Variants in LUC7L2 observed in about 807,000 individuals in gnomAD.
LUC7L2 encodes LUC7 like 2, pre-mRNA splicing factor.
In LUC7L2, 25 loss-of-function variants were observed where a neutral mutation model predicts 52.8. The ratio of observed to expected loss-of-function variants is 0.47; its 90% CI spans 0.34 to 0.66. The LOEUF (loss-of-function observed/expected upper bound fraction) is 0.66. Ranked by LOEUF, LUC7L2 falls within the 30% of genes least tolerant of loss-of-function variation. The pLI, the probability that LUC7L2 is intolerant of heterozygous loss-of-function variation, is 0.01. For missense variants in LUC7L2, 328 were observed against 497.8 expected (o/e 0.66, Z 3.25); for synonymous variants, 144 against 160.9 (o/e 0.89, Z 0.80).
chr7:139,381,227 T>C (rs1489175084), intron 2 of LUC7L2, among the ~76,000 whole-genome samples: 1 of 152,074 alleles, frequency 6.6e-6, no homozygotes, highest in African/African-American at 2.4e-5. Flanking sequence ...TTTTTGTCAG[T>C]TTTTTAGGTA....
chr7:139,340,768 G>C, intron 1 of LUC7L2: 2 of 373,836 alleles, frequency 5.3e-6, no homozygotes, highest in Admixed American at 9.1e-5. Flanking sequence ...GTCCCATCTG[G>C]GGTGGCCTGT....
Position 139,405,704 on chromosome 7 carries a change from C to G in LUC7L2, c.427C>G (p.Leu143Val), listed in dbSNP as rs756334929. 1 of 1,612,646 alleles carries G rather than the reference C, an allele frequency of 6.2e-7. No homozygotes were observed. ...IGKLLAKVEQ[L>V]GAEGNVEESQ... ...TAAATTGTTAGCCAAGGTGGAACAA[C>G]TAGGAGCTGAAGGGAATGTGGAGGA... Residue 143 changes from leucine (L) to valine (V), a missense_variant, in exon 5 of 10, where the codon CTA becomes GTA. By Grantham distance (32) the Leu-to-Val change is conservative. Transcript: ENST00000354926.
At chr7:139,354,991 G>A (rs1380816086), upstream of LUC7L2, among the ~76,000 whole-genome samples, 2 of 152,006 alleles carry the variant, frequency 1.3e-5, no homozygotes, top group African/African-American at 2.4e-5. Flanking sequence ...CTGAGTAGCT[G>A]GGATTACTGG....
At chr7:139,405,900 G>C in intron 5 of LUC7L2, 113 bp downstream of exon 5, 1 of 1,357,778 alleles carries the variant, frequency 7.4e-7, no homozygotes, top group Middle Eastern at 1.9e-4. Flanking sequence ...TATTTGAATG[G>C]AAATTATTGA....
intron 2 of LUC7L2, among the ~76,000 whole-genome samples, chr7:139,394,414 A>G (rs147839767): frequency 0.011 from 1,670 of 152,254 alleles, 16 homozygotes; most frequent in Middle Eastern, 0.017. Context: ...CACCTCTACT[A>G]TAGTGGTAAA....
At chr7:139,406,145 G>A (rs190604435) in intron 5 of LUC7L2, among the ~76,000 whole-genome samples, 7 of 152,140 alleles carry the variant, frequency 4.6e-5, no homozygotes, top group Admixed American at 1.3e-4. Flanking sequence ...TCTGCCTCCC[G>A]GGTTCAAGCG....
intron 1 of LUC7L2, among the ~76,000 whole-genome samples, chr7:139,366,616 T>C (rs1478807194): frequency 6.6e-6 from 1 of 152,228 alleles, no homozygotes; most frequent in Non-Finnish European, 1.5e-5. Flanking sequence ...TGTCTATGGC[T>C]GCTTTGGCTT....
intron 2 of LUC7L2, among the ~76,000 whole-genome samples, chr7:139,379,533 T>C (rs1359056438): frequency 2.7e-5 from 4 of 149,628 alleles, no homozygotes; most frequent in Non-Finnish European, 5.9e-5. Flanking sequence ...CTTTCATTAT[T>C]CTAGTATAAC....
At chr7:139,356,196 G>A (rs993830581), upstream of LUC7L2, among the ~76,000 whole-genome samples, 18 of 151,592 alleles carry the variant, frequency 1.2e-4, no homozygotes, top group African/African-American at 4.4e-4. Flanking sequence ...TGCAGTCCCA[G>A]CTACTTGAGA....
intron 1 of LUC7L2, among the ~76,000 whole-genome samples, chr7:139,340,795 T>A (rs1554483994): frequency 2.6e-5 from 4 of 151,884 alleles, no homozygotes; most frequent in Non-Finnish European, 5.9e-5. Flanking sequence ...TGTCCTTTTT[T>A]CCCCTTTCTA....
At chr7:139,408,027 A>G (rs1221186050) in intron 6 of LUC7L2, among the ~76,000 whole-genome samples, 2 of 152,152 alleles carry the variant, frequency 1.3e-5, no homozygotes, top group Non-Finnish European at 2.9e-5. Context: ...GTGGCACTGT[A>G]GTGTTTTTTC....
chr7:139,408,020 GC>G (rs1197708475), intron 6 of LUC7L2, among the ~76,000 whole-genome samples: 2 of 152,130 alleles, frequency 1.3e-5, no homozygotes, highest in Non-Finnish European at 2.9e-5. Context: ...AAGAATTGTG[GC>G]ACTGTAGTGT....
chr7:139,411,718 G>C, intron 7 of LUC7L2, among the ~76,000 whole-genome samples: 1 of 152,194 alleles, frequency 6.6e-6, no homozygotes, highest in East Asian at 1.9e-4. Flanking sequence ...AATGTGACAA[G>C]TGCCTTAAGT....
chr7:139,359,466 G>A (rs769139246), upstream of LUC7L2: 1 of 186,996 alleles, frequency 5.3e-6, no homozygotes, highest in Non-Finnish European at 1.1e-5. Flanking sequence ...ACCAGGACGC[G>A]TCCACGCCAC....
chr7:139,406,352 C>CTTT (rs58282436), intron 5 of LUC7L2, among the ~76,000 whole-genome samples: 2 of 132,518 alleles, frequency 1.5e-5, no homozygotes, highest in South Asian at 2.4e-4. Flanking sequence ...GCACCAGGGC[C>CTTT]TTTTTTTTTT....
chr7:139,417,391 C>A, intron 8 of LUC7L2, 147 bp from the exon 9 acceptor site: 1 of 1,015,992 alleles, frequency 9.8e-7, no homozygotes, highest in Non-Finnish European at 1.4e-6. Flanking sequence ...TATTAACACA[C>A]CAGCAATTCA....
intron 3 of LUC7L2, among the ~76,000 whole-genome samples, chr7:139,400,429 A>C (rs1164066617): frequency 2.0e-5 from 3 of 152,148 alleles, no homozygotes; most frequent in Non-Finnish European, 2.9e-5. Flanking sequence ...GAATCACTTG[A>C]ACCCGGGAGT....
At chr7:139,406,263 G>C (rs1795108958) in intron 5 of LUC7L2, among the ~76,000 whole-genome samples, 1 of 151,774 alleles carries the variant, frequency 6.6e-6, no homozygotes, top group Non-Finnish European at 1.5e-5. Flanking sequence ...TGTTGGTCAG[G>C]CTGGTCTTGA....
At position 139,352,293 on chromosome 7, in the gene LUC7L2, C is replaced by T. The variant is rs552294855; in HGVS notation, c.-26+11776C>T. 1.1e-4 allele frequency among the ~76,000 whole-genome samples: 16 copies of T among 152,168 alleles called. No individual in the cohort carries two copies. The South Asian group carries it at 2.9e-3, about 28-fold the overall frequency. ...TGGCTTGGGGCCAGGAGTTTGTGAC[C>T]AGCCTGGGCAACATAAGGAGACACC... On this transcript the variant is annotated intron_variant, in intron 1 of 10. Coordinates refer to the LUC7L2 transcript ENST00000541170.
Sources: gnomAD v4.1 joint callset for allele counts (sites outside exome capture counted in the v4.1 genomes callset) on GRCh38, gnomAD v4.1.1 for gene constraint, MANE v1.5 for transcripts, NCBI Gene and HGNC (gene_info 2026-07-23, HGNC 2026-07-21) for gene names.